The following TINAG variants were observed in gnomAD, a reference collection of about 807,000 sequenced individuals.
The protein encoded by TINAG is tubulointerstitial nephritis antigen.
TINAG carries 83 observed loss-of-function variants against 72.7 expected under a neutral mutation model. The ratio of observed to expected loss-of-function variants is 1.14; its 90% CI spans 0.96 to 1.37. The LOEUF is 1.37. Among genes scored for constraint, TINAG ranks in the 40% most tolerant of loss-of-function variants. The pLI is 0.00. For missense variants in TINAG, 685 were observed against 576.6 expected, an observed-to-expected ratio of 1.19 and a Z score of -1.93; for synonymous variants, 234 against 189.9, an observed-to-expected ratio of 1.23 and a Z score of -1.91.
chr6:54,382,350 T>C (rs1412683921), intron 10 of TINAG, among the ~76,000 whole-genome samples: 4 of 152,084 alleles, frequency 2.6e-5, no homozygotes, highest in African/African-American at 4.8e-5. Flanking sequence ...CCAATGTATC[T>C]CAAGGGTAAA....
intron 9 of TINAG, among the ~76,000 whole-genome samples, chr6:54,371,511 A>T (rs1489974059): frequency 6.6e-6 from 1 of 151,562 alleles, no homozygotes; most frequent in East Asian, 1.9e-4. Context: ...TCTAATTATG[A>T]TATTAATGAG....
Position 54,363,012 on chromosome 6 carries a change from A to G in TINAG, c.1250+8376A>G, listed in dbSNP as rs549232153. Among the ~76,000 whole-genome samples, 46 of 151,682 alleles carry G rather than the reference A, an allele frequency of 3.0e-4. 1 individual carries two copies. Among genetic ancestry groups the G allele is most frequent in the Admixed American group, 2.1e-3 (32 of 15,160 alleles). ...GAAGACATATGATAGATTTGGCCCA[A>G]TTTTGAAGATCTGAGAAACGTCGCT... is the stretch of plus-strand genomic sequence containing the variant. On this transcript the variant is annotated intron_variant, in intron 9 of 10. Coordinates refer to ENST00000259782, the MANE Select transcript of TINAG (RefSeq NM_014464.4).
At chr6:54,364,168 C>T (rs1417304380) in intron 9 of TINAG, among the ~76,000 whole-genome samples, 1 of 151,312 alleles carries the variant, frequency 6.6e-6, no homozygotes, top group South Asian at 2.1e-4. Context: ...ACCAGGGGAA[C>T]CCAAAGGGAT....
intron 1 of TINAG, among the ~76,000 whole-genome samples, chr6:54,310,265 T>C (rs73442548): frequency 0.15 from 22,971 of 151,890 alleles, 2,296 homozygotes; most frequent in African/African-American, 0.28. Flanking sequence ...TTTTATTTTT[T>C]GTAAATGTGG....
intron 9 of TINAG, 126 bp from the exon 10 acceptor site, chr6:54,380,399 CA>C: frequency 1.5e-6 from 1 of 654,974 alleles, no homozygotes; most frequent in Non-Finnish European, 2.5e-6. Flanking sequence ...GTGATATTTC[CA>C]TTGTGAAACA....
intron 4 of TINAG, among the ~76,000 whole-genome samples, chr6:54,337,375 T>A (rs574605541): frequency 6.6e-6 from 1 of 150,732 alleles, no homozygotes; most frequent in East Asian, 2.0e-4. Flanking sequence ...TGCCTCAGCC[T>A]CCTGAGTAGC....
At position 54,321,257 on chromosome 6, in the gene TINAG, T is replaced by A. The variant is rs201118155; in HGVS notation, c.420-40T>A. 4.0e-6 allele frequency: 6 copies of A among 1,513,228 alleles called. No individual in the cohort carries two copies. The East Asian group carries it at 1.4e-4, about 34-fold the overall frequency. The allele number at this position is 1,513,228 out of a possible 1,614,324, so 93.7% of individuals were successfully genotyped here. On this transcript the variant is annotated intron_variant, in intron 2 of 10. Transcript: ENST00000259782. ...TTTTTACTAATTGAAATATACTTCA[T>A]AAAGACCAAGCCACTTTTGTAATTG...
chr6:54,368,278 CATATT>C (rs1763495876), intron 9 of TINAG, among the ~76,000 whole-genome samples: 1 of 146,462 alleles, frequency 6.8e-6, no homozygotes, highest in Non-Finnish European at 1.5e-5. Context: ...TTATATATAA[CATATT>C]ATATAATTAT....
chr6:54,336,423 G>A (rs1195984235), intron 4 of TINAG, among the ~76,000 whole-genome samples: 1 of 152,012 alleles, frequency 6.6e-6, no homozygotes, highest in Non-Finnish European at 1.5e-5. Flanking sequence ...CTCTGATAGA[G>A]TTTATATATT....
chr6:54,345,556 T>G (rs1785101034), intron 5 of TINAG, among the ~76,000 whole-genome samples: 1 of 152,156 alleles, frequency 6.6e-6, no homozygotes, highest in African/African-American at 2.4e-5. Context: ...GAAAACACAG[T>G]TACACCATTT....
intron 4 of TINAG, among the ~76,000 whole-genome samples, chr6:54,342,614 C>T (rs919209781): frequency 1.3e-5 from 2 of 152,062 alleles, no homozygotes; most frequent in Admixed American, 6.5e-5. Flanking sequence ...GTGATCCACC[C>T]GCCTCAGCCT....
At chr6:54,369,570 G>A (rs1763541902) in intron 9 of TINAG, among the ~76,000 whole-genome samples, 1 of 151,854 alleles carries the variant, frequency 6.6e-6, no homozygotes, top group Non-Finnish European at 1.5e-5. Flanking sequence ...TTCATGTTTA[G>A]GAATATTTTT....
chr6:54,341,780 G>T (rs1055029764), intron 4 of TINAG, among the ~76,000 whole-genome samples: 1 of 151,782 alleles, frequency 6.6e-6, no homozygotes, highest in Non-Finnish European at 1.5e-5. Context: ...TTACTTCTGC[G>T]GCAAATTAGC....
chr6:54,368,709 T>C, intron 9 of TINAG, among the ~76,000 whole-genome samples: 1 of 151,672 alleles, frequency 6.6e-6, no homozygotes, highest in East Asian at 1.9e-4. Flanking sequence ...TTTATGTAGT[T>C]ATTTTCTTGT....
intron 5 of TINAG, among the ~76,000 whole-genome samples, chr6:54,344,841 A>T (rs2150955890): frequency 6.6e-6 from 1 of 152,260 alleles, no homozygotes; most frequent in South Asian, 2.1e-4. Context: ...CAGTATGATA[A>T]ATTAGGGCAA....
chr6:54,374,130 A>G (rs552559020), intron 9 of TINAG, among the ~76,000 whole-genome samples: 41 of 152,236 alleles, frequency 2.7e-4, no homozygotes, highest in Non-Finnish European at 5.4e-4. Context: ...TACATGTGAT[A>G]CTACACTTGT....
intron 4 of TINAG, among the ~76,000 whole-genome samples, chr6:54,328,122 G>T (rs911390649): frequency 6.6e-6 from 1 of 152,132 alleles, no homozygotes; most frequent in African/African-American, 2.4e-5. Flanking sequence ...CTCTGTTAAA[G>T]GACAGACTGC....
At chr6:54,388,639 G>A (rs1258328513) in intron 10 of TINAG, among the ~76,000 whole-genome samples, 1 of 151,986 alleles carries the variant, frequency 6.6e-6, no homozygotes, top group Non-Finnish European at 1.5e-5. Flanking sequence ...GCTGCATTTA[G>A]TTGTGGAACT....
rs544475267 is a variant in TINAG at position 54,347,571 on chromosome 6, T to A, written c.899+54T>A. On this transcript the variant is annotated intron_variant, in intron 6 of 10. Transcript: ENST00000259782. ...GGATTTTTATGAATGATGCATTGTG[T>A]TAGAACAAGGAAAATAATCCCAAGA... 3.2e-6 allele frequency: 5 copies of A among 1,567,750 alleles called. No individual in the cohort carries two copies. In the Admixed American group the frequency reaches 7.5e-5, roughly 24 times the overall value.
Sources: gnomAD v4.1 joint callset for allele counts (sites outside exome capture counted in the v4.1 genomes callset) on GRCh38, gnomAD v4.1.1 for gene constraint, MANE v1.5 for transcripts, NCBI Gene and HGNC (gene_info 2026-07-23, HGNC 2026-07-21) for gene names.